The following ZNF836 variants were observed in gnomAD, a reference collection of about 807,000 sequenced individuals.
ZNF836 encodes zinc finger protein 836.
A neutral mutation model predicts 7.4 loss-of-function variants in ZNF836; 12 were observed. The observed-to-expected ratio is 1.61, with a 90% CI of 1.03 to 2.61. ZNF836 has a LOEUF of 2.61. Ranked by LOEUF, ZNF836 falls within the 30% of genes most tolerant of loss-of-function variation. The probability of loss-of-function intolerance (pLI) is 0.00; values close to 1 mark genes in which losing one functional copy is unlikely to be tolerated. For missense variants in ZNF836, 998 were observed against 1,126.2 expected (o/e 0.89, Z 1.63); for synonymous variants, 365 against 382.6 (o/e 0.95, Z 0.54).
Position 52,156,516 on chromosome 19 carries a change from G to A in ZNF836, c.1167C>T (p.Asn389=), listed in dbSNP as rs2089162076. 2.5e-6 allele frequency: 4 copies of A among 1,613,614 alleles called. No homozygotes were observed. Among genetic ancestry groups the A allele is most frequent in the African/African-American group, 2.7e-5 (2 of 74,830 alleles). ...IHTGEKPYKC[N]ICGKSFSQSS... Reference sequence around the variant, plus strand: ...TTTGACTAAAGGACTTTCCACATATGTTGCATTTGTATGGTTTCTCTCCAG... The same window carrying A: ...TTTGACTAAAGGACTTTCCACATATATTGCATTTGTATGGTTTCTCTCCAG... Residue 389 remains asparagine, a synonymous_variant, in exon 5 of 5, where the codon AAC becomes AAT. Coordinates refer to ENST00000682614, the MANE Select transcript of ZNF836 (RefSeq NM_001102657.3).
chr19:52,160,386 G>A, intron 4 of ZNF836, 79 bp downstream of exon 4: 1 of 1,579,866 alleles, frequency 6.3e-7, no homozygotes, highest in Non-Finnish European at 8.7e-7. Flanking sequence ...ATAATGGAAG[G>A]GCTCCCAAGA....
rs762684848 is a variant in ZNF836 at position 52,156,859 on chromosome 19, T to G, written c.824A>C (p.Gln275Pro). The G allele has an allele frequency of 9.9e-6, 16 of 1,614,090 alleles. No individual in the cohort carries two copies. Among genetic ancestry groups the G allele is most frequent in the Non-Finnish European group, 1.3e-5 (15 of 1,180,038 alleles). The change falls in exon 5 of 5, where the codon CAA (glutamine) becomes CCA (proline). Residue 275 changes from glutamine (Q) to proline (P), a missense_variant. By Grantham distance (76) the Gln-to-Pro change is moderately conservative. Coordinates refer to ENST00000682614, the MANE Select transcript of ZNF836 (RefSeq NM_001102657.3). ...QIVHTRGKPYQCGVCGKIFRQ... is the reference protein window; with the variant it reads ...QIVHTRGKPYPCGVCGKIFRQ... The stretch of plus-strand genomic sequence containing the variant: ...GAAGATCTTGCCACATACACCACAT[T>G]GATATGGCTTCCCCCTTGTATGGAC...
At position 52,156,218 on chromosome 19, in the gene ZNF836, G is replaced by A. The variant is rs768419535; in HGVS notation, c.1465C>T (p.Arg489Trp). ...GGTTTCTCTCCAGTATGAATTCTCC[G>A]ATGCCCCACAAGATGTGAAGTCTGA... The part of the protein sequence containing the change: ...FSQTSHLVGH[R>W]RIHTGEKPYK... The change falls in exon 5 of 5, where the codon CGG (arginine) becomes TGG (tryptophan). Residue 489 changes from arginine to tryptophan, a missense_variant. Physicochemically the swap from Arg to Trp is moderately radical, Grantham distance 101. Coordinates refer to ENST00000682614, the MANE Select transcript of ZNF836 (RefSeq NM_001102657.3). 5.0e-5 allele frequency: 80 copies of A among 1,614,036 alleles called. No individual in the cohort carries two copies. The highest frequency in any genetic ancestry group is 6.6e-5 in the South Asian group (6 of 91,066).
At chr19:52,160,633 T>C in intron 3 of ZNF836, 42 bp from the exon 4 acceptor site, 1 of 1,563,380 alleles carries the variant, frequency 6.4e-7, no homozygotes, top group Non-Finnish European at 8.6e-7. Context: ...ATGGGAGAGC[T>C]CTTATCTATA....
At position 52,164,487 on chromosome 19, in the gene ZNF836, G is replaced by T. The variant is rs7508755; in HGVS notation, c.15+3571C>A. ...AAGGAAGGAAGGAAGGAAAGAAAGA[G>T]AAAGAAAAAGAGAGAAAGAAAGAAA... On this transcript the variant is annotated intron_variant, in intron 3 of 4. Transcript: ENST00000682614. Among the ~76,000 whole-genome samples, 8 of 83,264 alleles carry T rather than the reference G, an allele frequency of 9.6e-5. No homozygotes were observed. In the South Asian group the frequency reaches 2.5e-3, roughly 26 times the overall value. The allele number at this position is 83,264 out of a possible 152,430, so 54.6% of individuals were successfully genotyped here. A position where few individuals can be genotyped will look rare whatever the true frequency, so the allele number is the denominator to read the frequency against.
intron 3 of ZNF836, among the ~76,000 whole-genome samples, chr19:52,163,067 T>A (rs2089228338): frequency 6.6e-6 from 1 of 151,972 alleles, no homozygotes. Context: ...AGTTCCGAGG[T>A]CCGAAGGGCA....
Position 52,168,139 on chromosome 19 carries a change from T to C in ZNF836, c.-67A>G, listed in dbSNP as rs904981285. The stretch of plus-strand genomic sequence containing the variant: ...CTCTCTCAGTCAATATAATTAATTC[T>C]TTACAAGTCAAATCTGAAAGTGAAA... On this transcript the variant is annotated 5_prime_UTR_variant, in exon 3 of 5. Transcript: ENST00000682614. 137 of 1,576,516 alleles carry C rather than the reference T, an allele frequency of 8.7e-5. No homozygotes were observed. The highest frequency in any genetic ancestry group is 1.1e-4 in the Non-Finnish European group (132 of 1,167,346).
At chr19:52,159,955 G>A (rs965524492) in intron 4 of ZNF836, among the ~76,000 whole-genome samples, 6 of 152,056 alleles carry the variant, frequency 3.9e-5, no homozygotes, top group Admixed American at 1.3e-4. Context: ...AGGCCAAGGC[G>A]GGCAGACTGC....
Position 52,154,938 on chromosome 19 carries a change from C to CT in ZNF836, c.2744dup (p.Ser916GlufsTer3), listed in dbSNP as rs771163451. 8.9e-6 allele frequency: 14 copies of CT among 1,566,908 alleles called. No individual in the cohort carries two copies. The South Asian group carries it at 1.7e-4, about 19-fold the overall frequency. ...CCACATTGAATTTTGTTTTAAGACT[C>CT]TCTGCAGTATGTTTTGTCTGATGTT... On this transcript the variant is annotated frameshift_variant, in exon 5 of 5. Coordinates refer to ENST00000682614, the MANE Select transcript of ZNF836 (RefSeq NM_001102657.3). LOFTEE classifies it low-confidence loss of function (END_TRUNC).
In ZNF836 at chr19:52,156,632, T is replaced by G. The variant is rs2089163698; in HGVS notation, c.1051A>C (p.Ile351Leu). 1.9e-6 allele frequency: 3 copies of G among 1,613,408 alleles called. No individual in the cohort carries two copies. Among genetic ancestry groups the G allele is most frequent in the Non-Finnish European group, 2.5e-6 (3 of 1,179,524 alleles). The stretch of plus-strand genomic sequence containing the variant: ...TGATATGGTTTCTCTCCTGTATGGA[T>G]TATCTGATGTGTAGTGAGGCATGAG... ...QGSCLTTHQIIHTGEKPYQCD... is the reference protein window; with the variant it reads ...QGSCLTTHQILHTGEKPYQCD... Residue 351 changes from isoleucine (I) to leucine (L), a missense_variant, in exon 5 of 5, where the codon ATC (isoleucine) becomes CTC (leucine). By Grantham distance (5) the Ile-to-Leu change is conservative (BLOSUM62 2). Transcript: ENST00000682614.
intron 4 of ZNF836, among the ~76,000 whole-genome samples, chr19:52,158,992 C>A (rs755802999): frequency 6.6e-6 from 1 of 152,094 alleles, no homozygotes; most frequent in Non-Finnish European, 1.5e-5. Context: ...GCTTTTTGCA[C>A]GGCAATCCTT....
In ZNF836 at chr19:52,155,454, C is replaced by T. The variant is rs757018606; in HGVS notation, c.2229G>A (p.Arg743=). ...HITGLTYHQR[R]HTGEMPYKCI... ...ATTTGTATGGCATCTCTCCAGTATG[C>T]CTTCTCTGATGGTACGTCAGGCCTG... The change falls in exon 5 of 5, where the codon AGG becomes AGA. Residue 743 remains arginine (R), a synonymous_variant. Coordinates refer to ENST00000682614, the MANE Select transcript of ZNF836 (RefSeq NM_001102657.3). 8.7e-6 allele frequency: 14 copies of T among 1,613,730 alleles called. 1 individual carries two copies. The highest frequency in any genetic ancestry group is 1.6e-4 in the Middle Eastern group (1 of 6,084).
chr19:52,159,816 G>A (rs914459723), intron 4 of ZNF836, among the ~76,000 whole-genome samples: 4 of 152,138 alleles, frequency 2.6e-5, no homozygotes, highest in Admixed American at 2.0e-4. Flanking sequence ...GGGCAGCAGC[G>A]TTTGTGCTTG....
rs1165727472 is a variant in ZNF836, at chr19:52,167,472, CAAAAAAA to C, written c.15+579_15+585del. Among the ~76,000 whole-genome samples the C allele has an allele frequency of 1.0e-3, 44 of 44,122 alleles. No individual in the cohort carries two copies. The South Asian group carries it at 0.028, about 28-fold the overall frequency. The allele number at this position is 44,122 out of a possible 152,430, so 28.9% of individuals were successfully genotyped here. A position where few individuals can be genotyped will look rare whatever the true frequency, so the allele number is the denominator to read the frequency against. ...GGGCAACAAGAACGAAACTCCGTCTCAAAAAAAAAAAAAAAAAAAAAAAAATCAATGA... is the reference window on the plus strand; with the variant it reads ...GGGCAACAAGAACGAAACTCCGTCTCAAAAAAAAAAAAAAAAAATCAATGA... On this transcript the variant is annotated intron_variant, in intron 3 of 4. Transcript: ENST00000682614.
rs368863701 is a variant in ZNF836, at chr19:52,156,426, A to G, written c.1257T>C (p.Cys419=). The G allele has an allele frequency of 4.3e-6, 7 of 1,614,080 alleles. No homozygotes were observed. Among genetic ancestry groups the G allele is most frequent in the African/African-American group, 4.0e-5 (3 of 74,936 alleles). Reference sequence around the variant, plus strand: ...TGGAGCTCCGTTTAAAGGTTTTGCCACACTCATCACATTTGTAAGGTTTGT... The same window carrying G: ...TGGAGCTCCGTTTAAAGGTTTTGCCGCACTCATCACATTTGTAAGGTTTGT... ...SGNKPYKCDE[C]GKTFKRSSSL... The change falls in exon 5 of 5, where the codon TGT becomes TGC. Residue 419 remains cysteine, a synonymous_variant. Coordinates refer to ENST00000682614, the MANE Select transcript of ZNF836 (RefSeq NM_001102657.3).
chr19:52,167,730 A>C (rs1214932068), intron 3 of ZNF836, among the ~76,000 whole-genome samples: 1 of 152,126 alleles, frequency 6.6e-6, no homozygotes, highest in Non-Finnish European at 1.5e-5. Flanking sequence ...TCTGGTCTAC[A>C]GAGAGCTGAC....
intron 3 of ZNF836, 110 bp from the exon 4 acceptor site, chr19:52,160,701 T>G: frequency 7.4e-7 from 1 of 1,351,752 alleles, no homozygotes. Context: ...TTTTCACATA[T>G]CCATGCAAGG....
Position 52,155,610 on chromosome 19 carries a change from C to A in ZNF836, c.2073G>T (p.Glu691Asp). ...CAAACTCATTACAATTGTAAGGTTTCTCTCCAGTATGAATTATCAGATGTT... is the reference window on the plus strand; with the variant it reads ...CAAACTCATTACAATTGTAAGGTTTATCTCCAGTATGAATTATCAGATGTT... ...LTKHLIIHTG[E>D]KPYNCNEFGG... The change falls in exon 5 of 5, where the codon GAG becomes GAT. Residue 691 changes from glutamate to aspartate, a missense_variant. Coordinates refer to ENST00000682614, the MANE Select transcript of ZNF836 (RefSeq NM_001102657.3). 1 of 1,614,066 alleles carries A rather than the reference C, an allele frequency of 6.2e-7. No homozygotes were observed. Among genetic ancestry groups the A allele is most frequent in the Non-Finnish European group, 8.5e-7 (1 of 1,179,974 alleles).
intron 2 of ZNF836, among the ~76,000 whole-genome samples, chr19:52,168,445 G>A (rs192657600): frequency 4.6e-5 from 7 of 152,120 alleles, no homozygotes; most frequent in Admixed American, 2.6e-4. Context: ...AAAATTAGCC[G>A]GGTGTGGTGG....
Sources: allele counts gnomAD v4.1 joint callset (sites outside exome capture counted in the v4.1 genomes callset), GRCh38; gene constraint gnomAD v4.1.1; transcripts MANE v1.5; gene names NCBI Gene and HGNC (gene_info 2026-07-23, HGNC 2026-07-21).